Variants in RHOC observed in about 807,000 individuals in gnomAD.
The protein encoded by RHOC is ras homolog family member C.
A neutral mutation model predicts 19.5 loss-of-function variants in RHOC; 13 were observed. The ratio of observed to expected loss-of-function variants is 0.67; its 90% CI spans 0.43 to 1.06. RHOC has a LOEUF of 1.06. Among genes scored for constraint, RHOC ranks in the 50% least tolerant of loss-of-function variants. The probability of loss-of-function intolerance (pLI) is 0.00; values close to 1 mark genes in which losing one functional copy is unlikely to be tolerated. For synonymous variants in RHOC, 106 were observed against 97.3 expected, an observed-to-expected ratio of 1.09 and a Z score of -0.52; for missense variants, 173 against 256.9, an observed-to-expected ratio of 0.67 and a Z score of 2.23.
chr1:112,703,614 GT>G, intron 3 of RHOC, 29 bp downstream of exon 3: 2 of 1,589,756 alleles, frequency 1.3e-6, no homozygotes. Context: ...GGGTCTCAGG[GT>G]GGGGTGGGAA....
Position 112,703,385 on chromosome 1 carries a change from A to G in RHOC, c.156+259T>C, listed in dbSNP as rs889187430. The G allele has an allele frequency of 1.4e-5, 10 of 716,008 alleles. 1 individual carries two copies. The highest frequency in any genetic ancestry group is 1.3e-4 in the East Asian group (5 of 37,162). The allele number at this position is 716,008 out of a possible 1,614,324, so 44.4% of individuals were successfully genotyped here. On this transcript the variant is annotated intron_variant, in intron 3 of 5. Transcript: ENST00000339083. ...ACAACCCTTTGAGGGAGGTCTTACC[A>G]TCATCCCCATTTTGCAGGTGGGGGA...
chr1:112,706,055 G>C (rs1254289192), intron 1 of RHOC: 1 of 201,770 alleles, frequency 5.0e-6, no homozygotes, highest in Non-Finnish European at 1.0e-5. Context: ...CCTGTGAGAG[G>C]CAGCCCCAGA....
rs533807270 is a variant in RHOC at position 112,706,454 on chromosome 1, CA to C, written c.-77+623del. On this transcript the variant is annotated intron_variant, in intron 1 of 5. Coordinates refer to ENST00000339083, the MANE Select transcript of RHOC (RefSeq NM_175744.5). ...CTACACACACACACACACACACACA[CA>C]CACACACACCACACACACACACACA... Among the ~76,000 whole-genome samples the C allele has an allele frequency of 2.0e-3, 192 of 95,342 alleles. 2 individuals carry two copies. The highest frequency in any genetic ancestry group is 2.5e-3 in the African/African-American group (58 of 23,502). The allele number at this position is 95,342 out of a possible 152,430, so 62.5% of individuals were successfully genotyped here. A position where few individuals can be genotyped will look rare whatever the true frequency, so the allele number is the denominator to read the frequency against.
At chr1:112,702,855 T>C in intron 4 of RHOC, 144 bp downstream of exon 4, 1 of 1,355,182 alleles carries the variant, frequency 7.4e-7, no homozygotes, top group Non-Finnish European at 1.0e-6. Flanking sequence ...GAGGGCCAGT[T>C]ACCACAGTAA....
rs764899240 is a variant in RHOC, at chr1:112,701,422, A to C, written c.*118T>G. The C allele has an allele frequency of 1.9e-6, 3 of 1,603,768 alleles. No individual in the cohort carries two copies. The South Asian group carries it at 3.3e-5, about 18-fold the overall frequency. On this transcript the variant is annotated 3_prime_UTR_variant, in exon 6 of 6. Transcript: ENST00000339083. ...GCTAGAAAACAATGCAGTCCTGGGC[A>C]GGAGGGAACTGAAAATGGGAGCCTT...
rs556037915 is a variant in RHOC at position 112,705,784 on chromosome 1, T to C, written c.-76-616A>G. Reference sequence around the variant, plus strand: ...AGCCCCAACCTGGGGTGGGCAGTGTTGATGGAGGGCAATCACTACTGGGGT... The same window carrying C: ...AGCCCCAACCTGGGGTGGGCAGTGTCGATGGAGGGCAATCACTACTGGGGT... On this transcript the variant is annotated intron_variant, in intron 1 of 5. Coordinates refer to ENST00000339083, the MANE Select transcript of RHOC (RefSeq NM_175744.5). 508 of 412,336 alleles carry C rather than the reference T, an allele frequency of 1.2e-3. 2 individuals carry two copies. The highest frequency in any genetic ancestry group is 2.2e-3 in the Non-Finnish European group (453 of 203,486). The allele number at this position is 412,336 out of a possible 1,614,324, so 25.5% of individuals were successfully genotyped here.
intron 5 of RHOC, 146 bp downstream of exon 5, chr1:112,702,417 C>A: frequency 1.2e-6 from 1 of 818,132 alleles, no homozygotes; most frequent in South Asian, 1.8e-5. Flanking sequence ...TCATCAGACA[C>A]AACCCTATGG....
chr1:112,703,605 G>A, intron 3 of RHOC, 39 bp downstream of exon 3: 1 of 1,548,760 alleles, frequency 6.5e-7, no homozygotes, highest in Non-Finnish European at 8.9e-7. Context: ...TGGGGGGCGG[G>A]GTCTCAGGGT....
At chr1:112,706,510 A>C (rs1674893450) in intron 1 of RHOC, among the ~76,000 whole-genome samples, 1 of 69,076 alleles carries the variant, frequency 1.4e-5, no homozygotes, top group Non-Finnish European at 3.1e-5. Context: ...ACACACACAC[A>C]CACACACACA....
chr1:112,702,507 A>G (rs1674688637), intron 5 of RHOC, 56 bp downstream of exon 5: 4 of 1,589,822 alleles, frequency 2.5e-6, no homozygotes, highest in East Asian at 2.3e-5. Flanking sequence ...GCCCGTCTGC[A>G]ACCCCTCAGA....
chr1:112,704,750 C>A, intron 2 of RHOC: 1 of 258,208 alleles, frequency 3.9e-6, no homozygotes, highest in Non-Finnish European at 7.6e-6. Flanking sequence ...CGAGTTTGGG[C>A]AGGCTGCCTT....
chr1:112,701,818 C>T, intron 5 of RHOC, 105 bp from the exon 6 acceptor site: 1 of 1,261,808 alleles, frequency 7.9e-7, no homozygotes, highest in Non-Finnish European at 1.1e-6. Context: ...CCTTCTCCAG[C>T]CCTGACCCAG....
intron 1 of RHOC, chr1:112,706,284 G>C (rs1368408547): frequency 6.6e-6 from 1 of 152,210 alleles, no homozygotes; most frequent in African/African-American, 2.4e-5. Flanking sequence ...GAGATACCAA[G>C]AGATACTGCA....
chr1:112,704,035 T>C lies in RHOC; in HGVS notation c.-7-229A>G, dbSNP rs111481965. Among the ~76,000 whole-genome samples the C allele has an allele frequency of 1.4e-4, 21 of 151,886 alleles. No homozygotes were observed. In the East Asian group the frequency reaches 2.3e-3, roughly 17 times the overall value. ...TGGGTTAGAATACAGTGGTGGGAGG[T>C]AGATGATGACCCCACTTGGGAGCTG... On this transcript the variant is annotated intron_variant, in intron 2 of 5. Transcript: ENST00000339083.
chr1:112,706,430 TACAC>T (rs149206424), intron 1 of RHOC, among the ~76,000 whole-genome samples: 4 of 49,698 alleles, frequency 8.0e-5, no homozygotes, highest in South Asian at 9.2e-4. Flanking sequence ...TCTCTCTCTC[TACAC>T]ACACACACAC....
At position 112,701,418 on chromosome 1, in the gene RHOC, G is replaced by T. The variant is rs1674623297; in HGVS notation, c.*122C>A. 3.1e-6 allele frequency: 5 copies of T among 1,599,600 alleles called. No homozygotes were observed. On this transcript the variant is annotated 3_prime_UTR_variant, in exon 6 of 6. Transcript: ENST00000339083. ...CGGGGCTAGAAAACAATGCAGTCCT[G>T]GGCAGGAGGGAACTGAAAATGGGAG...
At chr1:112,703,919 G>A in intron 2 of RHOC, 113 bp from the exon 3 acceptor site, 1 of 923,768 alleles carries the variant, frequency 1.1e-6, no homozygotes, top group East Asian at 2.6e-5. Flanking sequence ...GGGACAGGGG[G>A]CTTGCTCAGG....
At chr1:112,705,762 C>T (rs529255052) in intron 1 of RHOC, 93 of 433,274 alleles carry the variant, frequency 2.1e-4, no homozygotes, top group African/African-American at 1.7e-3. Flanking sequence ...CTGGGGTAGC[C>T]CCAACCTGGG....
chr1:112,706,450 CACACACACACACACCACACACACACA>C (rs1674854988), intron 1 of RHOC, among the ~76,000 whole-genome samples: 5 of 43,676 alleles, frequency 1.1e-4, no homozygotes, highest in African/African-American at 2.9e-4. Context: ...CACACACACA[CACACACACACACACCACACACACACA>C]CACACACACA....
Sources: gnomAD v4.1 joint callset for allele counts (sites outside exome capture counted in the v4.1 genomes callset) on GRCh38, gnomAD v4.1.1 for gene constraint, MANE v1.5 for transcripts, NCBI Gene and HGNC (gene_info 2026-07-23, HGNC 2026-07-21) for gene names.